RERG: variants seen among roughly 807,000 people sequenced by gnomAD.
RERG encodes RAS like estrogen regulated growth inhibitor, also known as ras-related and estrogen-regulated growth inhibitor.
Under a neutral mutation model 23.2 loss-of-function variants are expected in RERG, and 25 were observed. The observed-to-expected ratio is 1.08, with a 90% confidence interval of 0.79 to 1.50. The LOEUF is 1.50. Among genes scored for constraint, RERG ranks in the 40% most tolerant of loss-of-function variants. RERG has a pLI of 0.00. For synonymous variants in RERG, 81 were observed against 89.1 expected, an observed-to-expected ratio of 0.91 and a Z score of 0.51; for missense variants, 253 against 250.1, an observed-to-expected ratio of 1.01 and a Z score of -0.08.
At chr12:15,188,731 T>A (rs1456896590) in intron 2 of RERG, among the ~76,000 whole-genome samples, 1 of 152,188 alleles carries the variant, frequency 6.6e-6, no homozygotes, top group Non-Finnish European at 1.5e-5. Context: ...CTCAATAGTA[T>A]GAGATTATTT....
chr12:15,180,273 C>A (rs1187019958), intron 2 of RERG, among the ~76,000 whole-genome samples: 2 of 151,990 alleles, frequency 1.3e-5, no homozygotes, highest in Non-Finnish European at 2.9e-5. Context: ...AAAATGTAGC[C>A]CTATTTCCAG....
chr12:15,196,048 A>G lies in RERG; in HGVS notation c.61+21381T>C, dbSNP rs562892824. Among the ~76,000 whole-genome samples, 10 of 152,266 alleles carry G rather than the reference A, an allele frequency of 6.6e-5. No individual in the cohort carries two copies. In the South Asian group the frequency reaches 2.1e-3, roughly 32 times the overall value. On this transcript the variant is annotated intron_variant, in intron 2 of 4. Transcript: ENST00000256953. ...CCCAAAGCTAGGTGTGGGAACTTTG[A>G]CTGCCTAAAGAGTATGATTCAATGA...
intron 2 of RERG, among the ~76,000 whole-genome samples, chr12:15,181,465 T>C (rs1053644493): frequency 3.9e-5 from 6 of 152,148 alleles, no homozygotes; most frequent in Non-Finnish European, 8.8e-5. Context: ...AAGATGACAG[T>C]GTAGGGTGTT....
At chr12:15,212,644 A>T (rs577391233) in intron 2 of RERG, among the ~76,000 whole-genome samples, 91 of 152,310 alleles carry the variant, frequency 6.0e-4, no homozygotes, top group Non-Finnish European at 1.3e-3. Flanking sequence ...AAATTGGTAT[A>T]TAGCTACTTA....
At chr12:15,207,970 C>T (rs1189723885) in intron 2 of RERG, among the ~76,000 whole-genome samples, 1 of 152,094 alleles carries the variant, frequency 6.6e-6, no homozygotes, top group Non-Finnish European at 1.5e-5. Flanking sequence ...CTATAGTATC[C>T]ATTGATTCAA....
chr12:15,207,425 T>C (rs1255290195), intron 2 of RERG, among the ~76,000 whole-genome samples: 1 of 152,078 alleles, frequency 6.6e-6, no homozygotes, highest in East Asian at 1.9e-4. Flanking sequence ...GGCTCAGCAA[T>C]GGCATACGTT....
intron 2 of RERG, among the ~76,000 whole-genome samples, chr12:15,144,129 C>A (rs1034386978): frequency 2.6e-5 from 4 of 151,806 alleles, no homozygotes; most frequent in Non-Finnish European, 1.5e-5. Flanking sequence ...GGTTTGTGGG[C>A]CAAGAAATTG....
chr12:15,170,838 A>C (rs975154113), intron 2 of RERG, among the ~76,000 whole-genome samples: 1 of 152,200 alleles, frequency 6.6e-6, no homozygotes, highest in Non-Finnish European at 1.5e-5. Context: ...TCACTTTCCT[A>C]AAAACCAGAG....
rs1864834682 is a variant in RERG, at chr12:15,175,347, G to A, written c.61+42082C>T. Among the ~76,000 whole-genome samples the A allele has an allele frequency of 2.1e-5, 3 of 145,820 alleles. No individual in the cohort carries two copies. In the Admixed American group the frequency reaches 2.1e-4, roughly 10 times the overall value. ...ACTCTCAGGCTCTGTGTGTGTGTGT[G>A]TGTGTGTGTGTGTGTGTGTGTGTGT... is the stretch of plus-strand genomic sequence containing the variant. On this transcript the variant is annotated intron_variant, in intron 2 of 4. Coordinates refer to ENST00000256953, the MANE Select transcript of RERG (RefSeq NM_032918.3).
At chr12:15,187,088 A>C (rs1865003063) in intron 2 of RERG, among the ~76,000 whole-genome samples, 1 of 152,114 alleles carries the variant, frequency 6.6e-6, no homozygotes, top group Non-Finnish European at 1.5e-5. Context: ...GATGGATAAA[A>C]CTTTTCCACT....
chr12:15,119,844 CAG>C (rs769976563), intron 3 of RERG, among the ~76,000 whole-genome samples: 7 of 152,152 alleles, frequency 4.6e-5, no homozygotes, highest in African/African-American at 1.2e-4. Flanking sequence ...CATATTATTA[CAG>C]AGTTTCTAAA....
intron 2 of RERG, among the ~76,000 whole-genome samples, chr12:15,192,987 G>A (rs973535622): frequency 8.6e-5 from 13 of 151,990 alleles, no homozygotes; most frequent in East Asian, 1.9e-4. Context: ...AGTGTCTGCC[G>A]GATTTTTTTC....
At chr12:15,175,389 T>TGTGTGTGTGTG (rs1864836900) in intron 2 of RERG, among the ~76,000 whole-genome samples, 1 of 63,088 alleles carries the variant, frequency 1.6e-5, no homozygotes, top group Non-Finnish European at 3.5e-5. Flanking sequence ...GTGTGTGTGT[T>TGTGTGTGTGTG]GGGGCATGCT....
intron 2 of RERG, among the ~76,000 whole-genome samples, chr12:15,159,056 A>G (rs74458483): frequency 9.2e-4 from 140 of 152,300 alleles, no homozygotes; most frequent in African/African-American, 3.2e-3. Context: ...TTTCCGAATG[A>G]TAGTTTTCTA....
chr12:15,148,509 A>G (rs945855870), intron 2 of RERG, among the ~76,000 whole-genome samples: 1 of 152,216 alleles, frequency 6.6e-6, no homozygotes, highest in African/African-American at 2.4e-5. Flanking sequence ...GTGTTGCAAG[A>G]ATCAAACTTA....
chr12:15,161,559 A>G (rs965087184), intron 2 of RERG, among the ~76,000 whole-genome samples: 1 of 152,150 alleles, frequency 6.6e-6, no homozygotes, highest in Non-Finnish European at 1.5e-5. Flanking sequence ...GCACTCAATT[A>G]ATTCTCCTGG....
At chr12:15,127,635 A>C (rs1490345018) in intron 2 of RERG, among the ~76,000 whole-genome samples, 1 of 152,206 alleles carries the variant, frequency 6.6e-6, no homozygotes, top group African/African-American at 2.4e-5. Context: ...AGCATTATTC[A>C]CAAAAATAGA....
intron 2 of RERG, among the ~76,000 whole-genome samples, chr12:15,204,916 G>A (rs992069583): frequency 2.6e-5 from 4 of 151,780 alleles, no homozygotes; most frequent in Non-Finnish European, 4.4e-5. Context: ...CAGGCCTTGG[G>A]CCTGAATTGA....
intron 2 of RERG, among the ~76,000 whole-genome samples, chr12:15,131,839 A>G (rs1864053469): frequency 6.6e-6 from 1 of 152,040 alleles, no homozygotes; most frequent in African/African-American, 2.4e-5. Flanking sequence ...CAGGGGGAAA[A>G]CCTCTAACAG....
Sources: allele counts gnomAD v4.1 joint callset (sites outside exome capture counted in the v4.1 genomes callset), GRCh38; gene constraint gnomAD v4.1.1; transcripts MANE v1.5; gene names NCBI Gene and HGNC (gene_info 2026-07-23, HGNC 2026-07-21).